DMXL2: variants seen among roughly 807,000 people sequenced by gnomAD.
The protein encoded by DMXL2 is dmX-like protein 2.
A neutral mutation model predicts 331.1 loss-of-function variants in DMXL2; 103 were observed. That is an observed-to-expected ratio of 0.31 (90% CI 0.27 to 0.37). The LOEUF (loss-of-function observed/expected upper bound fraction) is 0.37. Among genes scored for constraint, DMXL2 ranks in the 10% least tolerant of loss-of-function variants. DMXL2 has a pLI of 1.00. For missense variants in DMXL2, 3,171 were observed against 3,642.9 expected, an observed-to-expected ratio of 0.87 and a Z score of 3.33; for synonymous variants, 1,281 against 1,252.1, an observed-to-expected ratio of 1.02 and a Z score of -0.49.
chr15:51,481,010 A>G lies in DMXL2; in HGVS notation c.6096T>C (p.Asp2032=). ...GTTCAGCAATCACATCAACTTCAGT[A>G]TCACCTTCAGGATCATCCTCTTCCT... ...TPQEEDDPEG[D]TEVDVIAEQL... is the part of the protein sequence containing the mutation. The change falls in exon 24 of 44, where the codon GAT becomes GAC. Residue 2032 remains aspartate (D), a synonymous_variant. Transcript: ENST00000560891. The G allele has an allele frequency of 6.2e-7, 1 of 1,614,178 alleles. No individual in the cohort carries two copies. Among genetic ancestry groups the G allele is most frequent in the Non-Finnish European group, 8.5e-7 (1 of 1,180,018 alleles).
Position 51,544,594 on chromosome 15 carries a change from C to T in DMXL2, c.930+989G>A, listed in dbSNP as rs1044619173. On this transcript the variant is annotated intron_variant, in intron 8 of 43. Transcript: ENST00000560891. ...AAACTTTTAAGGACCACATCCTTAA[C>T]TTGTCAAAGTTGTATAATATTTCTG... Among the ~76,000 whole-genome samples the T allele has an allele frequency of 2.0e-5, 3 of 152,286 alleles. No homozygotes were observed. The South Asian group carries it at 6.2e-4, about 32-fold the overall frequency.
chr15:51,467,189 CAG>C (rs1462973646), intron 29 of DMXL2, among the ~76,000 whole-genome samples: 1 of 151,734 alleles, frequency 6.6e-6, no homozygotes, highest in Non-Finnish European at 1.5e-5. Context: ...CAGGAGGAAA[CAG>C]AGAAGGAAGG....
intron 11 of DMXL2, 34 bp downstream of exon 11, chr15:51,537,454 G>T (rs1343646376): frequency 1.8e-5 from 27 of 1,538,898 alleles, no homozygotes; most frequent in Non-Finnish European, 2.3e-5. Flanking sequence ...ACTATTTTAA[G>T]AAATGTAATA....
At position 51,579,209 on chromosome 15, in the gene DMXL2, G is replaced by A. The variant is rs145458399; in HGVS notation, c.88-3028C>T. ...ATCAAAATGGAACAACTTATGTCTG[G>A]TGCTAGTTTCCTGTTGAACCAGAGT... On this transcript the variant is annotated intron_variant, in intron 1 of 43. Coordinates refer to ENST00000560891, the MANE Select transcript of DMXL2 (RefSeq NM_001378457.1). 1.6e-4 allele frequency among the ~76,000 whole-genome samples: 24 copies of A among 152,286 alleles called. No homozygotes were observed. In the East Asian group the frequency reaches 2.1e-3, roughly 13 times the overall value.
intron 13 of DMXL2, among the ~76,000 whole-genome samples, chr15:51,523,152 T>C (rs1300967856): frequency 6.6e-6 from 1 of 152,246 alleles, no homozygotes; most frequent in Non-Finnish European, 1.5e-5. Flanking sequence ...TCTTGCTACA[T>C]TTTGCCTCAC....
chr15:51,547,110 C>T, intron 7 of DMXL2, 120 bp downstream of exon 7: 1 of 829,666 alleles, frequency 1.2e-6, no homozygotes, highest in African/African-American at 1.8e-5. Flanking sequence ...TGATTTCAGG[C>T]AGCTTGATGC....
At chr15:51,487,047 C>A (rs2042444742) in intron 22 of DMXL2, among the ~76,000 whole-genome samples, 1 of 152,064 alleles carries the variant, frequency 6.6e-6, no homozygotes, top group East Asian at 1.9e-4. Flanking sequence ...TTATTCCCAA[C>A]TGTATTTGTC....
intron 40 of DMXL2, among the ~76,000 whole-genome samples, chr15:51,454,555 G>A (rs2039447764): frequency 6.6e-6 from 1 of 152,114 alleles, no homozygotes; most frequent in Non-Finnish European, 1.5e-5. Context: ...AGAGCGCAGT[G>A]GCACAATCTC....
intron 43 of DMXL2, among the ~76,000 whole-genome samples, chr15:51,449,560 C>T (rs779493390): frequency 4.6e-5 from 7 of 152,224 alleles, no homozygotes; most frequent in Non-Finnish European, 8.8e-5. Context: ...TTTGACAAGA[C>T]TTTTTGACTT....
chr15:51,538,347 G>A lies in DMXL2; in HGVS notation c.1211C>T (p.Thr404Ile). 6.2e-7 allele frequency: 1 copy of A among 1,613,654 alleles called. No individual in the cohort carries two copies. The highest frequency in any genetic ancestry group is 8.5e-7 in the Non-Finnish European group (1 of 1,179,734). ...TCGTAATTGATGCATAAATACTTCT[G>A]TAGATGATGTAAAATGAAATTCCTT... ...NNKEFHFTSS[T>I]EVFMHQLRKL... Residue 404 changes from threonine (T) to isoleucine (I), a missense_variant, in exon 10 of 44, where the codon ACA becomes ATA. By Grantham distance (89) the Thr-to-Ile change is moderately conservative. Transcript: ENST00000560891.
intron 33 of DMXL2, chr15:51,463,134 C>G (rs1301310036): frequency 3.4e-6 from 1 of 291,376 alleles, no homozygotes; most frequent in East Asian, 9.4e-5. Flanking sequence ...AACCTAATGA[C>G]AAATACTGTA....
intron 15 of DMXL2, among the ~76,000 whole-genome samples, chr15:51,510,197 T>C (rs543352521): frequency 1.3e-5 from 2 of 152,260 alleles, no homozygotes; most frequent in South Asian, 4.1e-4. Context: ...GTACTGAAAG[T>C]TCTGGCCAGG....
In DMXL2 at chr15:51,605,699, G is replaced by A. The variant is rs1257001875; in HGVS notation, c.87+16760C>T. Among the ~76,000 whole-genome samples the A allele has an allele frequency of 2.2e-4, 22 of 99,136 alleles. 7 individuals are homozygous for A. The highest frequency in any genetic ancestry group is 1.7e-3 in the South Asian group (5 of 3,028). The allele number at this position is 99,136 out of a possible 152,430, so 65.0% of individuals were successfully genotyped here. ...GCTGGGACTACAGGCGCCCGCCACCGCGCCCGGCTAATATTTTGTATTTTT... is the reference window on the plus strand; with the variant it reads ...GCTGGGACTACAGGCGCCCGCCACCACGCCCGGCTAATATTTTGTATTTTT... On this transcript the variant is annotated intron_variant, in intron 1 of 43. Coordinates refer to ENST00000560891, the MANE Select transcript of DMXL2 (RefSeq NM_001378457.1).
chr15:51,521,845 A>G (rs148802545), intron 13 of DMXL2, among the ~76,000 whole-genome samples: 112 of 152,358 alleles, frequency 7.4e-4, no homozygotes, highest in African/African-American at 2.5e-3. Flanking sequence ...TCCATGTACT[A>G]TAAGGTTATG....
chr15:51,458,854 C>T, intron 34 of DMXL2, 59 bp from the exon 35 acceptor site: 1 of 1,370,688 alleles, frequency 7.3e-7, no homozygotes, highest in Non-Finnish European at 1.0e-6. Context: ...TAGAGTTATG[C>T]ACATCCCATA....
intron 2 of DMXL2, among the ~76,000 whole-genome samples, chr15:51,570,050 G>A (rs1166933373): frequency 5.3e-5 from 8 of 152,034 alleles, no homozygotes; most frequent in African/African-American, 1.9e-4. Flanking sequence ...CTTGAAAAAA[G>A]GTTAGACAAA....
rs2038915308 is a variant in DMXL2, at chr15:51,449,183, A to C, written c.8978T>G (p.Leu2993Trp). The part of the protein sequence containing the change: ...SAEGNIKVWR[L>W]TGHGLIHSFK... ...TGAATGAATTAGGCCATGGCCTGTC[A>C]ATCTCCAAACCTAGTGCAAAACAAA... is the stretch of plus-strand genomic sequence containing the variant. The change falls in exon 44 of 44, where the codon TTG (leucine) becomes TGG (tryptophan). Residue 2993 changes from leucine (L) to tryptophan (W), a missense_variant. By Grantham distance (61) the Leu-to-Trp change is moderately conservative. This residue lies in a region of DMXL2 where 766 missense variants were observed against 940.5 expected (regional missense o/e 0.81). Transcript: ENST00000560891. 1 of 1,614,088 alleles carries C rather than the reference A, an allele frequency of 6.2e-7. No individual in the cohort carries two copies. The highest frequency in any genetic ancestry group is 8.5e-7 in the Non-Finnish European group (1 of 1,179,976).
intron 2 of DMXL2, among the ~76,000 whole-genome samples, chr15:51,569,338 G>A (rs890324717): frequency 1.3e-4 from 20 of 152,192 alleles, no homozygotes; most frequent in African/African-American, 4.8e-4. Context: ...TTTGAACTGG[G>A]TGGAGCCCAC....
At chr15:51,609,862 G>A (rs767669377) in intron 1 of DMXL2, among the ~76,000 whole-genome samples, 7 of 151,768 alleles carry the variant, frequency 4.6e-5, no homozygotes, top group East Asian at 1.9e-4. Flanking sequence ...CCGGGAGAAC[G>A]GAGGTTGCAG....
Sources: allele counts gnomAD v4.1 joint callset (sites outside exome capture counted in the v4.1 genomes callset), GRCh38; gene constraint gnomAD v4.1.1; regional missense constraint gnomAD v4.1.1; transcripts MANE v1.5; gene names NCBI Gene and HGNC (gene_info 2026-07-23, HGNC 2026-07-21).